A2ML1: variants seen among roughly 807,000 people sequenced by gnomAD.
A2ML1 encodes the protein alpha-2-macroglobulin-like protein 1.
Under a neutral mutation model 181.9 loss-of-function variants are expected in A2ML1, and 161 were observed. The ratio of observed to expected loss-of-function variants is 0.89; its 90% confidence interval spans 0.78 to 1.01. The LOEUF is 1.01. Ranked by LOEUF, A2ML1 falls within the 50% of genes least tolerant of loss-of-function variation. The probability of loss-of-function intolerance (pLI) is 0.00; values close to 1 mark genes in which losing one functional copy is unlikely to be tolerated. For synonymous variants in A2ML1, 663 were observed against 666.8 expected (o/e 0.99, Z 0.09); for missense variants, 1,670 against 1,768.1 (o/e 0.94, Z 1.00).
intron 5 of A2ML1, 45 bp from the exon 6 acceptor site, chr12:8,835,462 G>A (rs1418659440): frequency 6.2e-7 from 1 of 1,609,608 alleles, no homozygotes; most frequent in Admixed American, 1.7e-5. Flanking sequence ...ATGCAGAGTG[G>A]GAAGCAAACG....
chr12:8,868,722 C>G, intron 32 of A2ML1, 95 bp downstream of exon 32: 1 of 764,246 alleles, frequency 1.3e-6, no homozygotes, highest in Non-Finnish European at 2.1e-6. Context: ...GGCGTGTATA[C>G]ACACACACAC....
chr12:8,841,279 T>C (rs1157169500), intron 10 of A2ML1, 90 bp from the exon 11 acceptor site: 1 of 1,234,816 alleles, frequency 8.1e-7, no homozygotes, highest in Non-Finnish European at 1.1e-6. Context: ...AAAACCACAA[T>C]TAGTTTGCAC....
At chr12:8,845,024 T>G in intron 12 of A2ML1, 2 of 1,425,614 alleles carry the variant, frequency 1.4e-6, no homozygotes, top group South Asian at 1.6e-5. Flanking sequence ...GGGCTCAGGG[T>G]GGTTTAGGAT....
In A2ML1 at chr12:8,852,157, CTA is replaced by C; in HGVS notation, c.2464-51_2464-50del. ...TCAGCCCCCAGGTTTCCCCAGGCCTCTATGCACTACCTCCTTTGTTTGTACCC... is the reference window on the plus strand; with the variant it reads ...TCAGCCCCCAGGTTTCCCCAGGCCTCTGCACTACCTCCTTTGTTTGTACCC... On this transcript the variant is annotated intron_variant, in intron 19 of 35. Coordinates refer to ENST00000299698, the MANE Select transcript of A2ML1 (RefSeq NM_144670.6). The surrounding 1 kb of genome is among the most constrained non-coding windows in gnomAD (Gnocchi z 4.2). 6.2e-7 allele frequency: 1 copy of C among 1,610,520 alleles called. No individual in the cohort carries two copies. Among genetic ancestry groups the C allele is most frequent in the South Asian group, 1.1e-5 (1 of 90,670 alleles).
rs1943783110 is a variant in A2ML1, at chr12:8,848,614, A to G, written c.1834-106A>G. The G allele has an allele frequency of 1.3e-5, 11 of 844,732 alleles. No homozygotes were observed. In the South Asian group the frequency reaches 2.8e-4, roughly 21 times the overall value. 52.3% of individuals were successfully genotyped at this position (844,732 alleles called of 1,614,324 possible). ...TATAAAAATAATTCTGAAGTAATAA[A>G]GAGAAATGATACAGGAGTAGTGAAC... On this transcript the variant is annotated intron_variant, in intron 15 of 35. Transcript: ENST00000299698.
In A2ML1 at chr12:8,838,451, G is replaced by A; in HGVS notation, c.970+1G>A. ...GCTACTGTTGTGGAGGAAGGGACAG[G>A]TAAGTAGGGTGCTCCTTGGCTCATT... On this transcript the variant is annotated splice_donor_variant, in intron 9 of 35. Coordinates refer to ENST00000299698, the MANE Select transcript of A2ML1 (RefSeq NM_144670.6). LOFTEE classifies it high-confidence loss of function. 1.9e-6 allele frequency: 3 copies of A among 1,610,956 alleles called. No individual in the cohort carries two copies. The highest frequency in any genetic ancestry group is 2.5e-6 in the Non-Finnish European group (3 of 1,177,810).
Position 8,823,257 on chromosome 12 carries a change from G to T in A2ML1, c.138G>T (p.Gly46=). ...AGGTTTGTTTGGACCTGAGCCCTGGGTACAGTGATGTTAAATTCACGGTTA... is the reference window on the plus strand; with the variant it reads ...AGGTTTGTTTGGACCTGAGCCCTGGTTACAGTGATGTTAAATTCACGGTTA... The part of the protein sequence containing the change: ...VQKVCLDLSP[G]YSDVKFTVTL... The change falls in exon 2 of 36, where the codon GGG becomes GGT. Residue 46 remains glycine (G), a synonymous_variant. Transcript: ENST00000299698. 1.2e-6 allele frequency: 2 copies of T among 1,614,098 alleles called. No individual in the cohort carries two copies. Among genetic ancestry groups the T allele is most frequent in the Non-Finnish European group, 1.7e-6 (2 of 1,180,008 alleles).
chr12:8,835,376 G>A (rs1208497824), intron 5 of A2ML1, 131 bp from the exon 6 acceptor site: 3 of 1,085,392 alleles, frequency 2.8e-6, no homozygotes, highest in Non-Finnish European at 4.0e-6. Flanking sequence ...TGCTCTTCCT[G>A]GACACAGACC....
chr12:8,881,416 A>G (rs9669487), downstream of A2ML1, among the ~76,000 whole-genome samples: 66,353 of 151,750 alleles, frequency 0.44, 14,807 homozygotes, highest in Admixed American at 0.49. Flanking sequence ...GAAGATAATG[A>G]CCATTTTAGT....
chr12:8,840,579 A>G (rs1486090582), intron 10 of A2ML1, among the ~76,000 whole-genome samples: 1 of 152,026 alleles, frequency 6.6e-6, no homozygotes, highest in East Asian at 1.9e-4. Context: ...TAAGGATTAC[A>G]CAGTTTGGGA....
intron 13 of A2ML1, 64 bp from the exon 14 acceptor site, chr12:8,846,013 T>C (rs1943671132): frequency 5.0e-6 from 8 of 1,591,500 alleles, no homozygotes; most frequent in Non-Finnish European, 6.9e-6. Flanking sequence ...GTACATATGG[T>C]TAGATGCCGT....
chr12:8,823,968 AGGCTTTGG>A, intron 3 of A2ML1, 86 bp downstream of exon 3: 1 of 1,468,746 alleles, frequency 6.8e-7, no homozygotes, highest in Admixed American at 2.3e-5. Flanking sequence ...GTTTGACAGT[AGGCTTTGG>A]AAAAAAAGGA....
At chr12:8,883,908 C>T (rs1327385138) in intron 7 of A2ML1, among the ~76,000 whole-genome samples, 5 of 152,142 alleles carry the variant, frequency 3.3e-5, no homozygotes, top group Non-Finnish European at 5.9e-5. Context: ...GCCTCAGCCT[C>T]CCCAGTAGCT....
chr12:8,839,779 C>G (rs749048788), intron 10 of A2ML1, among the ~76,000 whole-genome samples: 349 of 152,212 alleles, frequency 2.3e-3, no homozygotes, highest in African/African-American at 7.2e-3. Flanking sequence ...GACAGTCTCG[C>G]TCTTGTTGCC....
chr12:8,856,587 G>T (rs1408468095), intron 23 of A2ML1, among the ~76,000 whole-genome samples: 6 of 152,140 alleles, frequency 3.9e-5, no homozygotes, highest in Admixed American at 1.3e-4. Context: ...GATTTGGAGG[G>T]TGAGGAACGT....
At chr12:8,866,629 T>G (rs1446803193) in intron 29 of A2ML1, among the ~76,000 whole-genome samples, 1 of 152,128 alleles carries the variant, frequency 6.6e-6, no homozygotes, top group Non-Finnish European at 1.5e-5. Context: ...GTCCCTTTCT[T>G]TGAATTGTCT....
chr12:8,832,237 C>T (rs1346565022), intron 4 of A2ML1, among the ~76,000 whole-genome samples: 1 of 152,064 alleles, frequency 6.6e-6, no homozygotes, highest in Non-Finnish European at 1.5e-5. Flanking sequence ...AGCTGATCCA[C>T]TGAATGCAGG....
intron 28 of A2ML1, among the ~76,000 whole-genome samples, chr12:8,863,396 C>T (rs1260081858): frequency 2.0e-5 from 3 of 152,064 alleles, no homozygotes; most frequent in African/African-American, 7.2e-5. Flanking sequence ...TGAGCCACCG[C>T]ACCCGGCCTA....
intron 12 of A2ML1, chr12:8,844,894 A>G (rs1943613955): frequency 1.1e-6 from 1 of 910,036 alleles, no homozygotes; most frequent in Non-Finnish European, 1.4e-6. Context: ...GGAGCCCTGC[A>G]GGAGCGTGGG....
Sources: gnomAD v4.1 joint callset for allele counts (sites outside exome capture counted in the v4.1 genomes callset) on GRCh38, gnomAD v4.1.1 for gene constraint, Gnocchi (gnomAD v3.1) non-coding constraint, MANE v1.5 for transcripts, NCBI Gene and HGNC (gene_info 2026-07-23, HGNC 2026-07-21) for gene names.